The following NUMA1 variants were observed in gnomAD, a reference collection of about 807,000 sequenced individuals.
NUMA1 encodes the protein SP-H antigen.
A neutral mutation model predicts 237.1 loss-of-function variants in NUMA1; 62 were observed. That is an observed-to-expected ratio of 0.26 (90% CI 0.21 to 0.32). The LOEUF (loss-of-function observed/expected upper bound fraction) is 0.32, where lower values mean the gene tolerates loss of function less well. Ranked by LOEUF, NUMA1 falls within the 10% of genes least tolerant of loss-of-function variation. NUMA1 has a pLI of 1.00. For synonymous variants in NUMA1, 1,028 were observed against 1,066.1 expected, an observed-to-expected ratio of 0.96 and a Z score of 0.70; for missense variants, 2,533 against 2,666.5, an observed-to-expected ratio of 0.95 and a Z score of 1.10.
intron 2 of NUMA1, among the ~76,000 whole-genome samples, chr11:72,047,356 T>C (rs1942059893): frequency 6.6e-6 from 1 of 151,850 alleles, no homozygotes; most frequent in South Asian, 2.1e-4. Flanking sequence ...GACATGGTGG[T>C]GTGTGCCTGT....
At chr11:72,063,195 G>A (rs1943032368) in intron 2 of NUMA1, among the ~76,000 whole-genome samples, 1 of 151,990 alleles carries the variant, frequency 6.6e-6, no homozygotes, top group Non-Finnish European at 1.5e-5. Flanking sequence ...ACCAGCCTGG[G>A]CAACATAGTG....
At chr11:72,027,687 A>T (rs949155813) in intron 4 of NUMA1, among the ~76,000 whole-genome samples, 2 of 152,236 alleles carry the variant, frequency 1.3e-5, no homozygotes, top group African/African-American at 4.8e-5. Flanking sequence ...TTAGAAATGA[A>T]TATTCACTGA....
chr11:72,006,346 T>A, intron 21 of NUMA1, 83 bp from the exon 22 acceptor site: 1 of 1,165,922 alleles, frequency 8.6e-7, no homozygotes, highest in East Asian at 2.5e-5. Context: ...AGCCCTCAGA[T>A]CCCACGGCAC....
intron 8 of NUMA1, among the ~76,000 whole-genome samples, chr11:72,020,025 TC>T (rs1268226337): frequency 6.6e-6 from 1 of 152,178 alleles, no homozygotes; most frequent in African/African-American, 2.4e-5. Flanking sequence ...TTGGAATTCA[TC>T]CCCCCTGAAG....
At position 72,015,638 on chromosome 11, in the gene NUMA1, T is replaced by C. The variant is rs1277063173; in HGVS notation, c.1865A>G (p.Gln622Arg). ...GGCTTCATTAGCCACCTGAAGTTGC[T>C]GCTGCAGAATCTCCAGCTTGGCAGC... is the stretch of plus-strand genomic sequence containing the variant. ...EKAAKLEILQ[Q>R]QLQVANEARD... The change falls in exon 15 of 27, where the codon CAG becomes CGG. Residue 622 changes from glutamine (Q) to arginine (R), a missense_variant. Transcript: ENST00000393695. This position sits in a 1 kb window ranked among gnomAD's most constrained non-coding sequence, Gnocchi z 4.0. 1.9e-6 allele frequency: 3 copies of C among 1,613,704 alleles called. No homozygotes were observed. Among genetic ancestry groups the C allele is most frequent in the Non-Finnish European group, 2.5e-6 (3 of 1,180,038 alleles).
In NUMA1 at chr11:72,018,409, C is replaced by T. The variant is rs143164985; in HGVS notation, c.847G>A (p.Asp283Asn). Residue 283 changes from aspartate to asparagine, a missense_variant, in exon 11 of 27, where the codon GAC becomes AAC. This residue lies in a region of NUMA1 where 1,414 missense variants were observed against 1,508.1 expected (regional missense o/e 0.94). Coordinates refer to ENST00000393695, the MANE Select transcript of NUMA1 (RefSeq NM_006185.4). ...GGAGAGCTGTACCTCTCATTCTTGT[C>T]ACGCAGCTCCTCAAGCTCCTTGGGC... The part of the protein sequence containing the change: ...LEPKELEELR[D>N]KNESLTMRLH... 1 of 1,614,004 alleles carries T rather than the reference C, an allele frequency of 6.2e-7. No individual in the cohort carries two copies. The highest frequency in any genetic ancestry group is 8.5e-7 in the Non-Finnish European group (1 of 1,179,908).
At chr11:72,058,668 A>C (rs1448126982) in intron 2 of NUMA1, among the ~76,000 whole-genome samples, 1 of 152,248 alleles carries the variant, frequency 6.6e-6, no homozygotes, top group East Asian at 1.9e-4. Flanking sequence ...CCTTGCTCAG[A>C]GAATCATCCT....
rs1023988448 is a variant in NUMA1 at position 72,002,950 on chromosome 11, A to G, written c.*577T>C. On this transcript the variant is annotated 3_prime_UTR_variant, in exon 27 of 27. Coordinates refer to ENST00000393695, the MANE Select transcript of NUMA1 (RefSeq NM_006185.4). ...CCCTTAAAAACCTTCCCATCACTCC[A>G]AATCCCACCCCAGTGCAAGTCTGGG... 2.0e-4 allele frequency: 47 copies of G among 233,416 alleles called. No individual in the cohort carries two copies. The highest frequency in any genetic ancestry group is 2.5e-5 in the Non-Finnish European group (3 of 118,002). The allele number at this position is 233,416 out of a possible 1,614,324, so 14.5% of individuals were successfully genotyped here. A position where few individuals can be genotyped will look rare whatever the true frequency, so the allele number is the denominator to read the frequency against.
chr11:72,004,613 G>A (rs765935454), intron 24 of NUMA1, 27 bp downstream of exon 24: 3 of 1,606,348 alleles, frequency 1.9e-6, no homozygotes, highest in South Asian at 2.2e-5. Context: ...CAGTGCTGGA[G>A]TAACACCCAG....
chr11:72,053,014 C>T (rs1347919864), intron 2 of NUMA1, among the ~76,000 whole-genome samples: 1 of 152,146 alleles, frequency 6.6e-6, no homozygotes, highest in Non-Finnish European at 1.5e-5. Context: ...CAACCTAATA[C>T]AAATTCTGGG....
chr11:72,066,504 T>G (rs1258472599), intron 2 of NUMA1: 4 of 152,162 alleles, frequency 2.6e-5, no homozygotes, highest in Non-Finnish European at 5.9e-5. Context: ...ATCCTCTACC[T>G]CAGGCACATT....
rs1328881476 is a variant in NUMA1 at position 72,029,092 on chromosome 11, C to A, written c.128+113G>T. 6.9e-6 allele frequency: 5 copies of A among 724,804 alleles called. No homozygotes were observed. In the East Asian group the frequency reaches 1.4e-4, roughly 20 times the overall value. 44.9% of individuals were successfully genotyped at this position (724,804 alleles called of 1,614,324 possible). A position where few individuals can be genotyped will look rare whatever the true frequency, so the allele number is the denominator to read the frequency against. On this transcript the variant is annotated intron_variant, in intron 4 of 26. Transcript: ENST00000393695. ...CCACCCTGGCTTATGATGTCCCAAT[C>A]CTTCCCCTGATTTCTGGTCATAGCC...
rs549944272 is a variant in NUMA1 at position 72,044,042 on chromosome 11, T to C, written c.-32-8067A>G. Among the ~76,000 whole-genome samples, 59 of 152,334 alleles carry C rather than the reference T, an allele frequency of 3.9e-4. No homozygotes were observed. In the South Asian group the frequency reaches 0.011, roughly 29 times the overall value. On this transcript the variant is annotated intron_variant, in intron 2 of 26. Transcript: ENST00000393695. The stretch of plus-strand genomic sequence containing the variant: ...GCGACACTATTCTACTGACCTAATA[T>C]GTACGAACTCATTAATCTTAAAAAC...
chr11:72,072,783 G>A (rs577930377), intron 1 of NUMA1, among the ~76,000 whole-genome samples: 2 of 152,088 alleles, frequency 1.3e-5, no homozygotes, highest in South Asian at 2.1e-4. Context: ...GGCCAGGCAC[G>A]GTGGCTCACG....
intron 2 of NUMA1, among the ~76,000 whole-genome samples, chr11:72,043,308 C>T (rs886500943): frequency 1.5e-4 from 22 of 145,152 alleles, no homozygotes; most frequent in Non-Finnish European, 2.4e-4. Context: ...CCAAAAAATA[C>T]AAAAAACCAC....
At chr11:72,044,924 C>T (rs1224457019) in intron 2 of NUMA1, among the ~76,000 whole-genome samples, 5 of 152,006 alleles carry the variant, frequency 3.3e-5, no homozygotes, top group Middle Eastern at 3.2e-3. Flanking sequence ...CCTCAGGCTC[C>T]CAAGTGCTGG....
In NUMA1 at chr11:72,013,529, A is replaced by C. The variant is rs777305765; in HGVS notation, c.3974T>G (p.Leu1325Arg). Reference protein sequence around the residue: ...LTSQAERAEELGQELKAWQEK... With the variant: ...LTSQAERAEERGQELKAWQEK... The stretch of plus-strand genomic sequence containing the variant: ...CTGCCACGCCTTCAATTCTTGGCCC[A>C]GCTCCTCCGCACGCTCAGCCTGTGA... The change falls in exon 15 of 27, where the codon CTG (leucine) becomes CGG (arginine). Residue 1325 changes from leucine (L) to arginine (R), a missense_variant. By Grantham distance (102) the Leu-to-Arg change is moderately radical. Around this residue, in one of 3 missense-constraint regions of NUMA1, gnomAD observed 324 missense variants for 407.6 expected, o/e 0.79. Transcript: ENST00000393695. This position sits in a 1 kb window ranked among gnomAD's most constrained non-coding sequence, Gnocchi z 6.8. The C allele has an allele frequency of 5.6e-6, 9 of 1,613,492 alleles. No homozygotes were observed. The highest frequency in any genetic ancestry group is 8.5e-7 in the Non-Finnish European group (1 of 1,179,998).
At chr11:72,061,493 T>C (rs1051707393) in intron 2 of NUMA1, among the ~76,000 whole-genome samples, 2 of 144,202 alleles carry the variant, frequency 1.4e-5, no homozygotes, top group South Asian at 2.2e-4. Flanking sequence ...TTCTTTTTTT[T>C]TTTTTTTTTT....
intron 2 of NUMA1, among the ~76,000 whole-genome samples, chr11:72,044,887 C>T (rs1941906544): frequency 1.3e-5 from 2 of 152,006 alleles, no homozygotes; most frequent in African/African-American, 4.8e-5. Flanking sequence ...AGGCTTGTCT[C>T]GAACTCCTGA....
Sources: allele counts gnomAD v4.1 joint callset (sites outside exome capture counted in the v4.1 genomes callset), GRCh38; gene constraint gnomAD v4.1.1; regional missense constraint gnomAD v4.1.1; non-coding constraint Gnocchi (gnomAD v3.1); transcripts MANE v1.5; gene names NCBI Gene and HGNC (gene_info 2026-07-23, HGNC 2026-07-21).